NTM: variants seen among roughly 807,000 people sequenced by gnomAD.
The protein encoded by NTM is IgLON family member 2.
NTM carries 13 observed loss-of-function variants against 42.1 expected under a neutral mutation model. The observed-to-expected ratio is 0.31, with a 90% CI of 0.20 to 0.49. The LOEUF (loss-of-function observed/expected upper bound fraction) is 0.49. Ranked by LOEUF, NTM falls within the 20% of genes least tolerant of loss-of-function variation. NTM has a pLI of 0.99. For missense variants in NTM, 373 were observed against 452.8 expected (o/e 0.82, Z 1.60); for synonymous variants, 187 against 179.2 (o/e 1.04, Z -0.35).
At chr11:132,147,161 G>T (rs2070649937) in intron 3 of NTM, among the ~76,000 whole-genome samples, 1 of 149,738 alleles carries the variant, frequency 6.7e-6, no homozygotes, top group Non-Finnish European at 1.5e-5. Context: ...CCTAGTTCAT[G>T]AGGCCTTGTA....
rs567606649 is a variant in NTM at position 132,199,297 on chromosome 11, G to T, written c.401-12725G>T. On this transcript the variant is annotated intron_variant, in intron 3 of 8. Coordinates refer to ENST00000683400, the MANE Select transcript of NTM (RefSeq NM_001352005.2). Reference sequence around the variant, plus strand: ...AGTTCACCTAATTCATATGGAGGAGGTTTATTACATGGTTAAAGATACAAA... The same window carrying T: ...AGTTCACCTAATTCATATGGAGGAGTTTTATTACATGGTTAAAGATACAAA... Among the ~76,000 whole-genome samples the T allele has an allele frequency of 7.8e-4, 119 of 152,280 alleles. 3 individuals carry two copies. In the South Asian group the frequency reaches 0.013, roughly 17 times the overall value.
chr11:132,014,036 T>C (rs1055211678), intron 2 of NTM, among the ~76,000 whole-genome samples: 2 of 152,042 alleles, frequency 1.3e-5, no homozygotes, highest in Admixed American at 1.3e-4. Context: ...CCTTTCTTCA[T>C]ACCCTTCCTC....
chr11:132,147,776 C>T (rs1217957482), intron 3 of NTM, among the ~76,000 whole-genome samples: 1 of 152,078 alleles, frequency 6.6e-6, no homozygotes, highest in Non-Finnish European at 1.5e-5. Flanking sequence ...TTCCACCAGT[C>T]CCCTTGTCGG....
At chr11:132,301,630 A>G (rs553469746) in intron 4 of NTM, among the ~76,000 whole-genome samples, 3 of 152,156 alleles carry the variant, frequency 2.0e-5, no homozygotes, top group African/African-American at 4.8e-5. Context: ...GGGGAATACA[A>G]CTGTCCTTGA....
At chr11:131,529,080 C>T (rs2050887173) in intron 1 of NTM, among the ~76,000 whole-genome samples, 1 of 152,308 alleles carries the variant, frequency 6.6e-6, no homozygotes, top group African/African-American at 2.4e-5. Flanking sequence ...TTAGTCACCT[C>T]CTGGGCTATT....
intron 1 of NTM, among the ~76,000 whole-genome samples, chr11:131,768,377 C>G (rs1254190081): frequency 6.6e-6 from 1 of 152,132 alleles, no homozygotes; most frequent in Non-Finnish European, 1.5e-5. Context: ...CTCGGCCTCT[C>G]AAAGTGCTGG....
At chr11:132,028,708 C>A (rs552000149) in intron 2 of NTM, among the ~76,000 whole-genome samples, 2 of 152,198 alleles carry the variant, frequency 1.3e-5, no homozygotes, top group South Asian at 4.2e-4. Context: ...GAAGGGGCTG[C>A]AGTTGGGTAT....
intron 1 of NTM, among the ~76,000 whole-genome samples, chr11:131,691,019 G>A (rs2074606377): frequency 6.6e-6 from 1 of 152,216 alleles, no homozygotes; most frequent in South Asian, 2.1e-4. Context: ...ACTCAGCGGG[G>A]CCTTGCCCTT....
At chr11:132,046,634 G>A (rs756922605) in intron 2 of NTM, among the ~76,000 whole-genome samples, 2 of 152,116 alleles carry the variant, frequency 1.3e-5, no homozygotes, top group African/African-American at 2.4e-5. Context: ...ACAGGTTTCC[G>A]GGAACATGCT....
chr11:131,438,058 T>C (rs1006672793), intron 1 of NTM, among the ~76,000 whole-genome samples: 1 of 152,224 alleles, frequency 6.6e-6, no homozygotes, highest in South Asian at 2.1e-4. Context: ...TTTGGCTGGA[T>C]ATGAAATTGT....
At chr11:132,234,279 G>A (rs1376820474) in intron 4 of NTM, among the ~76,000 whole-genome samples, 1 of 152,216 alleles carries the variant, frequency 6.6e-6, no homozygotes, top group Non-Finnish European at 1.5e-5. Flanking sequence ...CAGCATCTGA[G>A]TCGGTCTTCG....
At chr11:132,086,323 CAAAAAA>C (rs71067358) in intron 2 of NTM, among the ~76,000 whole-genome samples, 1 of 98,984 alleles carries the variant, frequency 1.0e-5, no homozygotes, top group South Asian at 3.9e-4. Context: ...GACTCCATGT[CAAAAAA>C]AAAAAAAAAA....
chr11:132,050,430 TG>T (rs1220715915), intron 2 of NTM, among the ~76,000 whole-genome samples: 1 of 152,010 alleles, frequency 6.6e-6, no homozygotes, highest in Admixed American at 6.5e-5. Flanking sequence ...CTAACAAAGT[TG>T]GGGGGAAAGG....
At chr11:132,141,982 C>T (rs976606612) in intron 2 of NTM, among the ~76,000 whole-genome samples, 1 of 152,178 alleles carries the variant, frequency 6.6e-6, no homozygotes, top group African/African-American at 2.4e-5. Context: ...AACATTGAAG[C>T]TGGAGGACAG....
At chr11:131,942,167 G>A (rs2059864435) in intron 2 of NTM, among the ~76,000 whole-genome samples, 1 of 152,186 alleles carries the variant, frequency 6.6e-6, no homozygotes, top group Non-Finnish European at 1.5e-5. Flanking sequence ...GCAGAAGCAG[G>A]TAAAACTGCT....
chr11:131,497,717 T>C (rs1591833231), intron 1 of NTM, among the ~76,000 whole-genome samples: 1 of 152,188 alleles, frequency 6.6e-6, no homozygotes. Context: ...AAAGAACCAA[T>C]GTATCAGTAT....
At chr11:132,301,084 T>A (rs1452974104) in intron 4 of NTM, among the ~76,000 whole-genome samples, 1 of 152,172 alleles carries the variant, frequency 6.6e-6, no homozygotes, top group Non-Finnish European at 1.5e-5. Flanking sequence ...CAAGACTGGA[T>A]AATTTATAAA....
intron 1 of NTM, among the ~76,000 whole-genome samples, chr11:131,881,496 ACACACACACACACC>A (rs1345734685): frequency 6.6e-6 from 1 of 151,324 alleles, no homozygotes; most frequent in African/African-American, 2.4e-5. Context: ...ACACACACAC[ACACACACACACACC>A]CCCCAAAGCT....
intron 1 of NTM, among the ~76,000 whole-genome samples, chr11:131,550,103 G>A (rs1349845640): frequency 6.6e-6 from 1 of 152,132 alleles, no homozygotes; most frequent in Non-Finnish European, 1.5e-5. Flanking sequence ...AAAAGAAGCT[G>A]GAATAATAAC....
Sources: allele counts gnomAD v4.1 joint callset (sites outside exome capture counted in the v4.1 genomes callset), GRCh38; gene constraint gnomAD v4.1.1; transcripts MANE v1.5; gene names NCBI Gene and HGNC (gene_info 2026-07-23, HGNC 2026-07-21).